The following CHKA variants were observed in gnomAD, a reference collection of about 807,000 sequenced individuals.
CHKA encodes choline kinase alpha.
In CHKA, 34 loss-of-function variants were observed where a neutral mutation model predicts 60.1. The ratio of observed to expected loss-of-function variants is 0.57; its 90% CI spans 0.43 to 0.75. CHKA has a LOEUF of 0.75. Ranked by LOEUF, CHKA falls within the 30% of genes least tolerant of loss-of-function variation. The pLI, the probability that CHKA is intolerant of heterozygous loss-of-function variation, is 0.00. For missense variants in CHKA, 563 were observed against 561.3 expected (o/e 1.00, Z -0.03); for synonymous variants, 217 against 223.1 (o/e 0.97, Z 0.24).
intron 2 of CHKA, among the ~76,000 whole-genome samples, chr11:68,095,722 AAAAAAAAAAAAAC>A (rs1158428627): frequency 6.2e-5 from 9 of 144,488 alleles, no homozygotes; most frequent in African/African-American, 1.8e-4. Flanking sequence ...AAAAAAAAAA[AAAAAAAAAAAAAC>A]AACAGGTATC....
At chr11:68,112,070 A>AAG (rs1398209832) in intron 1 of CHKA, among the ~76,000 whole-genome samples, 4 of 126,962 alleles carry the variant, frequency 3.2e-5, no homozygotes, top group Non-Finnish European at 6.5e-5. Context: ...AAAAAAAAAA[A>AAG]AAAAAAAAGT....
intron 1 of CHKA, among the ~76,000 whole-genome samples, chr11:68,106,028 T>C (rs866123125): frequency 2.0e-5 from 3 of 152,070 alleles, no homozygotes; most frequent in Non-Finnish European, 4.4e-5. Flanking sequence ...GAAAAGAGAA[T>C]ACAGCGTAAT....
At chr11:68,107,562 CCTT>C (rs1348596596) in intron 1 of CHKA, among the ~76,000 whole-genome samples, 1 of 152,090 alleles carries the variant, frequency 6.6e-6, no homozygotes, top group Non-Finnish European at 1.5e-5. Flanking sequence ...ATTCTCTCCT[CCTT>C]TCCATTCTCA....
At chr11:68,070,422 A>G (rs1856577019) in intron 5 of CHKA, 129 bp from the exon 6 acceptor site, 10 of 733,390 alleles carry the variant, frequency 1.4e-5, no homozygotes, top group Non-Finnish European at 2.3e-5. Context: ...GACCCCTCTG[A>G]CTGCCATGAC....
At chr11:68,097,272 G>A (rs2153023808) in intron 1 of CHKA, 142 bp from the exon 2 acceptor site, 2 of 548,514 alleles carry the variant, frequency 3.6e-6, no homozygotes, top group Non-Finnish European at 3.1e-6. Flanking sequence ...TTAACTCCAT[G>A]AGTCACATTA....
At chr11:68,064,697 T>G in intron 9 of CHKA, 66 bp from the exon 10 acceptor site, 1 of 896,106 alleles carries the variant, frequency 1.1e-6, no homozygotes, top group Middle Eastern at 2.1e-4. Flanking sequence ...TAGCTGTCAC[T>G]AAGCATATGC....
At position 68,121,191 on chromosome 11, in the gene CHKA, C is replaced by T; in HGVS notation, c.-14G>A. The T allele has an allele frequency of 2.6e-6, 3 of 1,167,638 alleles. No individual in the cohort carries two copies. Among genetic ancestry groups the T allele is most frequent in the South Asian group, 2.5e-5 (1 of 40,216 alleles). The allele number at this position is 1,167,638 out of a possible 1,614,324, so 72.3% of individuals were successfully genotyped here. ...TTTGGTTTTCATGCCCGACAGGCGG[C>T]CGAGGAGGCGCGGGCGGCCGCAGCG... On this transcript the variant is annotated 5_prime_UTR_variant, in exon 1 of 12. Coordinates refer to ENST00000265689, the MANE Select transcript of CHKA (RefSeq NM_001277.3).
chr11:68,063,198 A>G (rs1433214794), intron 10 of CHKA, among the ~76,000 whole-genome samples: 1 of 152,162 alleles, frequency 6.6e-6, no homozygotes, highest in Non-Finnish European at 1.5e-5. Context: ...CTCCAGAAGC[A>G]TCAGTGACAA....
chr11:68,067,366 G>C (rs1386698460), intron 7 of CHKA, among the ~76,000 whole-genome samples: 2 of 152,214 alleles, frequency 1.3e-5, no homozygotes, highest in Non-Finnish European at 2.9e-5. Flanking sequence ...ACTTTGGGAG[G>C]TGGAGGTGGG....
chr11:68,097,146 G>A lies in CHKA; in HGVS notation c.351-16C>T. ...AAGGCCGCCTCTGTCAGAAATAAGA[G>A]GACAGTAAGTATCTTTATTGCAGGT... On this transcript the variant is annotated splice_polypyrimidine_tract_variant and intron_variant, in intron 1 of 11. Transcript: ENST00000265689. The A allele has an allele frequency of 1.3e-6, 2 of 1,592,416 alleles. No individual in the cohort carries two copies. The highest frequency in any genetic ancestry group is 1.7e-6 in the Non-Finnish European group (2 of 1,162,274).
chr11:68,095,914 C>A (rs186662996), intron 2 of CHKA, among the ~76,000 whole-genome samples: 1 of 149,488 alleles, frequency 6.7e-6, no homozygotes, highest in East Asian at 2.0e-4. Context: ...TAGTGGCACA[C>A]CCATAATCCC....
intron 1 of CHKA, among the ~76,000 whole-genome samples, chr11:68,116,048 G>A (rs2153032712): frequency 6.6e-6 from 1 of 152,208 alleles, no homozygotes; most frequent in East Asian, 1.9e-4. Flanking sequence ...GTCTTTTCAT[G>A]GGACTCTCTC....
At chr11:68,083,054 C>G (rs545350364) in intron 2 of CHKA, among the ~76,000 whole-genome samples, 1 of 152,312 alleles carries the variant, frequency 6.6e-6, no homozygotes, top group African/African-American at 2.4e-5. Flanking sequence ...CTCTGCTTTG[C>G]GGGTCGCCTC....
intron 4 of CHKA, among the ~76,000 whole-genome samples, chr11:68,073,886 A>C (rs1389300696): frequency 2.0e-5 from 3 of 152,164 alleles, no homozygotes; most frequent in African/African-American, 7.2e-5. Context: ...GTCCTCAAGG[A>C]ACTTACGCTC....
At chr11:68,113,421 G>A (rs1324031622) in intron 1 of CHKA, among the ~76,000 whole-genome samples, 1 of 152,180 alleles carries the variant, frequency 6.6e-6, no homozygotes, top group Non-Finnish European at 1.5e-5. Flanking sequence ...ACCTGACTGG[G>A]CGCGGTGGTT....
At chr11:68,091,652 T>G (rs1590864612) in intron 2 of CHKA, among the ~76,000 whole-genome samples, 1 of 152,212 alleles carries the variant, frequency 6.6e-6, no homozygotes, top group African/African-American at 2.4e-5. Flanking sequence ...TACCTTGGCT[T>G]TCTGGCACTT....
At chr11:68,110,081 TA>T (rs1565194619) in intron 1 of CHKA, among the ~76,000 whole-genome samples, 1 of 152,218 alleles carries the variant, frequency 6.6e-6, no homozygotes, top group East Asian at 1.9e-4. Flanking sequence ...CCACTCATGG[TA>T]AATAATAAAC....
chr11:68,116,851 C>G (rs1315701920), intron 1 of CHKA, among the ~76,000 whole-genome samples: 2 of 152,146 alleles, frequency 1.3e-5, no homozygotes, highest in Non-Finnish European at 2.9e-5. Flanking sequence ...TTAACAACAA[C>G]TCTCATGTTA....
chr11:68,068,773 T>C (rs933040556), intron 7 of CHKA, 106 bp downstream of exon 7: 1 of 705,068 alleles, frequency 1.4e-6, no homozygotes, highest in East Asian at 2.7e-5. Context: ...CATACTTTAA[T>C]GTACCTAATA....
Sources: allele counts gnomAD v4.1 joint callset (sites outside exome capture counted in the v4.1 genomes callset), GRCh38; gene constraint gnomAD v4.1.1; transcripts MANE v1.5; gene names NCBI Gene and HGNC (gene_info 2026-07-23, HGNC 2026-07-21).